Variants in LRCH1 observed in about 807,000 individuals in gnomAD.
LRCH1 encodes the protein leucine-rich repeat and calponin homology domain-containing protein 1.
In LRCH1, 23 loss-of-function variants were observed where a neutral mutation model predicts 94.9. The ratio of observed to expected loss-of-function variants is 0.24; its 90% confidence interval spans 0.17 to 0.34. The LOEUF (loss-of-function observed/expected upper bound fraction) is 0.34, where lower values mean the gene tolerates loss of function less well. LRCH1 is among the 10% of genes least tolerant of loss of function. The pLI, the probability that LRCH1 is intolerant of heterozygous loss-of-function variation, is 1.00. For missense variants in LRCH1, 790 were observed against 945.9 expected, an observed-to-expected ratio of 0.84 and a Z score of 2.16; for synonymous variants, 364 against 354.9, an observed-to-expected ratio of 1.03 and a Z score of -0.29.
At chr13:46,745,103 T>C (rs1324116890), downstream of LRCH1, among the ~76,000 whole-genome samples, 3 of 152,210 alleles carry the variant, frequency 2.0e-5, no homozygotes, top group Non-Finnish European at 4.4e-5. Context: ...GTCTGCAAGC[T>C]TGTTTCATAA....
intron 17 of LRCH1, among the ~76,000 whole-genome samples, chr13:46,724,582 A>G (rs561247675): frequency 2.0e-5 from 3 of 152,130 alleles, no homozygotes; most frequent in South Asian, 4.2e-4. Context: ...TTAGTTCCCA[A>G]TGGGCACTCT....
intron 1 of LRCH1, among the ~76,000 whole-genome samples, chr13:46,556,164 G>T (rs997916226): frequency 6.6e-6 from 1 of 150,926 alleles, no homozygotes; most frequent in African/African-American, 2.5e-5. Context: ...GACAGGGAGT[G>T]GTAGAGCAAG....
At chr13:46,672,582 T>G (rs1431608099) in intron 3 of LRCH1, among the ~76,000 whole-genome samples, 1 of 152,188 alleles carries the variant, frequency 6.6e-6, no homozygotes, top group East Asian at 1.9e-4. Flanking sequence ...AAATACCCTT[T>G]GTCAGCTGCA....
chr13:46,693,392 A>G (rs1235158879), intron 8 of LRCH1, among the ~76,000 whole-genome samples: 1 of 152,216 alleles, frequency 6.6e-6, no homozygotes, highest in African/African-American at 2.4e-5. Flanking sequence ...GTTTTAAGCC[A>G]GAAGAAGAGC....
intron 1 of LRCH1, among the ~76,000 whole-genome samples, chr13:46,595,898 C>G (rs2050557314): frequency 7.0e-6 from 1 of 143,334 alleles, no homozygotes; most frequent in African/African-American, 2.6e-5. Flanking sequence ...TTATGTAAGA[C>G]AGGGATGTTA....
At chr13:46,570,604 A>T (rs920655171) in intron 1 of LRCH1, among the ~76,000 whole-genome samples, 6 of 152,254 alleles carry the variant, frequency 3.9e-5, no homozygotes, top group African/African-American at 1.4e-4. Flanking sequence ...ATATTAGGGA[A>T]ACTTTTCAAT....
chr13:46,705,354 G>A (rs746397413), intron 13 of LRCH1, 50 bp downstream of exon 13: 1 of 1,459,038 alleles, frequency 6.9e-7, no homozygotes, highest in African/African-American at 1.4e-5. Flanking sequence ...TTTTGCCATG[G>A]AATACTGGCC....
Position 46,674,782 on chromosome 13 carries a change from A to G in LRCH1, c.579+5626A>G, listed in dbSNP as rs148111222. On this transcript the variant is annotated intron_variant, in intron 3 of 19. Transcript: ENST00000389797. ...GTTTATATTTTACAAATAAGTTTCAATTTTAGAATTACTTAGCCAAAGCCA... is the reference window on the plus strand; with the variant it reads ...GTTTATATTTTACAAATAAGTTTCAGTTTTAGAATTACTTAGCCAAAGCCA... Among the ~76,000 whole-genome samples, 7 of 152,342 alleles carry G rather than the reference A, an allele frequency of 4.6e-5. No individual in the cohort carries two copies. In the East Asian group the frequency reaches 7.7e-4, roughly 17 times the overall value.
At chr13:46,715,528 G>A (rs1298544878) in intron 15 of LRCH1, 32 bp from the exon 16 acceptor site, 1 of 1,302,482 alleles carries the variant, frequency 7.7e-7, no homozygotes, top group African/African-American at 1.5e-5. Flanking sequence ...TTGTGCAACT[G>A]TACGCGGACT....
chr13:46,620,478 A>G (rs542453248), intron 1 of LRCH1, among the ~76,000 whole-genome samples: 1 of 152,340 alleles, frequency 6.6e-6, no homozygotes, highest in East Asian at 1.9e-4. Context: ...TAAAAAAATG[A>G]GAAGTATAGA....
chr13:46,624,110 C>G (rs894534541), intron 1 of LRCH1, among the ~76,000 whole-genome samples: 1 of 152,024 alleles, frequency 6.6e-6, no homozygotes, highest in Non-Finnish European at 1.5e-5. Flanking sequence ...TCTTGAACTC[C>G]TGGCCTTAAA....
intron 1 of LRCH1, among the ~76,000 whole-genome samples, chr13:46,613,575 C>T (rs142782853): frequency 4.7e-4 from 71 of 152,214 alleles, no homozygotes; most frequent in African/African-American, 1.5e-3. Flanking sequence ...GCGTGATTGG[C>T]TGATGCTGTG....
intron 1 of LRCH1, among the ~76,000 whole-genome samples, chr13:46,628,152 A>G (rs1021399751): frequency 5.3e-5 from 8 of 152,230 alleles, no homozygotes; most frequent in African/African-American, 1.4e-4. Flanking sequence ...TTCAGAAGAC[A>G]TACTACATTC....
chr13:46,712,448 G>C, intron 14 of LRCH1, 77 bp from the exon 15 acceptor site: 1 of 1,157,246 alleles, frequency 8.6e-7, no homozygotes, highest in South Asian at 1.3e-5. Flanking sequence ...TACAATCCTT[G>C]AACATAGAAA....
At chr13:46,667,114 A>T (rs1275229605) in intron 2 of LRCH1, among the ~76,000 whole-genome samples, 1 of 152,106 alleles carries the variant, frequency 6.6e-6, no homozygotes, top group Non-Finnish European at 1.5e-5. Context: ...CTTAAAGAAA[A>T]ATCTGCCTCT....
At chr13:46,578,947 C>T (rs1351342161) in intron 1 of LRCH1, among the ~76,000 whole-genome samples, 1 of 152,096 alleles carries the variant, frequency 6.6e-6, no homozygotes, top group Non-Finnish European at 1.5e-5. Flanking sequence ...AGCCAGACTG[C>T]AACCTCTCAA....
intron 16 of LRCH1, among the ~76,000 whole-genome samples, chr13:46,719,296 C>T (rs7328050): frequency 2.6e-5 from 4 of 152,174 alleles, no homozygotes; most frequent in Admixed American, 6.5e-5. Flanking sequence ...GTGTTTGAAA[C>T]GTTTGTTTCA....
intron 2 of LRCH1, among the ~76,000 whole-genome samples, chr13:46,658,528 G>A (rs890899784): frequency 2.4e-4 from 37 of 152,130 alleles, no homozygotes; most frequent in African/African-American, 8.4e-4. Flanking sequence ...CACTCAGGCC[G>A]GAGTGCAGTG....
At chr13:46,586,054 A>G (rs2050431993) in intron 1 of LRCH1, among the ~76,000 whole-genome samples, 1 of 152,156 alleles carries the variant, frequency 6.6e-6, no homozygotes, top group African/African-American at 2.4e-5. Flanking sequence ...ATTTGTTTTG[A>G]GTTTTATAAC....
Sources: allele counts gnomAD v4.1 joint callset (sites outside exome capture counted in the v4.1 genomes callset), GRCh38; gene constraint gnomAD v4.1.1; transcripts MANE v1.5; gene names NCBI Gene and HGNC (gene_info 2026-07-23, HGNC 2026-07-21).